The following GLT1D1 variants were observed in gnomAD, a reference collection of about 807,000 sequenced individuals.
GLT1D1 encodes glycosyltransferase 1 domain-containing protein 1.
Under a neutral mutation model 28.7 loss-of-function variants are expected in GLT1D1, and 21 were observed. The ratio of observed to expected loss-of-function variants is 0.73; its 90% confidence interval spans 0.52 to 1.05. The LOEUF (loss-of-function observed/expected upper bound fraction) is 1.05. Ranked by LOEUF, GLT1D1 falls within the 50% of genes least tolerant of loss-of-function variation. The pLI, the probability that GLT1D1 is intolerant of heterozygous loss-of-function variation, is 0.00. For synonymous variants in GLT1D1, 147 were observed against 124.8 expected (o/e 1.18, Z -1.19); for missense variants, 343 against 330.6 (o/e 1.04, Z -0.29).
chr12:128,908,698 C>T (rs1022723358), intron 4 of GLT1D1, among the ~76,000 whole-genome samples: 6 of 151,954 alleles, frequency 3.9e-5, no homozygotes, highest in African/African-American at 1.5e-4. Context: ...GCCTGTAATC[C>T]CAGCACTTTG....
rs1025833509 is a variant in GLT1D1, at chr12:128,947,397, A to G, written c.479A>G (p.Lys160Arg). ...CAAGAAGATCTGCACGCGGTGGTGAAGAATTGCTTCGCGGTGGTGAATAGC... is the reference window on the plus strand; with the variant it reads ...CAAGAAGATCTGCACGCGGTGGTGAGGAATTGCTTCGCGGTGGTGAATAGC... The change falls in exon 6 of 8, where the codon AAG becomes AGG. Residue 160 changes from lysine to arginine, a missense_variant. By Grantham distance (26) the Lys-to-Arg change is conservative. Transcript: ENST00000281703. The G allele has an allele frequency of 2.7e-5, 43 of 1,614,122 alleles. No homozygotes were observed. Among genetic ancestry groups the G allele is most frequent in the Non-Finnish European group, 3.3e-5 (39 of 1,180,006 alleles).
intron 4 of GLT1D1, among the ~76,000 whole-genome samples, chr12:128,911,308 T>A (rs1260309284): frequency 6.6e-6 from 1 of 152,236 alleles, no homozygotes; most frequent in African/African-American, 2.4e-5. Flanking sequence ...CTTCTTCCTG[T>A]TGATTGTCTC....
At chr12:128,875,378 G>T (rs1461029162) in intron 1 of GLT1D1, among the ~76,000 whole-genome samples, 1 of 152,190 alleles carries the variant, frequency 6.6e-6, no homozygotes, top group African/African-American at 2.4e-5. Flanking sequence ...CACAGTCCTG[G>T]GTATCTGAGA....
chr12:128,938,673 G>A lies in GLT1D1; in HGVS notation c.376-6653G>A, dbSNP rs76004761. 7.5e-3 allele frequency among the ~76,000 whole-genome samples: 1,148 copies of A among 152,278 alleles called. 9 individuals carry two copies. The highest frequency in any genetic ancestry group is 0.024 in the Middle Eastern group (7 of 294). On this transcript the variant is annotated intron_variant, in intron 4 of 7. Coordinates refer to ENST00000281703, the MANE Select transcript of GLT1D1 (RefSeq NM_144669.3). Reference sequence around the variant, plus strand: ...GGTTTGTAACTCATAATGCCTACTGGTAAAGTGTAAATGAGAATAGAAATT... The same window carrying A: ...GGTTTGTAACTCATAATGCCTACTGATAAAGTGTAAATGAGAATAGAAATT...
At chr12:128,956,951 G>A (rs1180271458) in intron 6 of GLT1D1, among the ~76,000 whole-genome samples, 2 of 152,228 alleles carry the variant, frequency 1.3e-5, no homozygotes, top group Non-Finnish European at 2.9e-5. Context: ...CCGGGCAGGC[G>A]AGGCCAGGGC....
At chr12:128,951,105 C>G (rs193196040) in intron 6 of GLT1D1, among the ~76,000 whole-genome samples, 1 of 152,214 alleles carries the variant, frequency 6.6e-6, no homozygotes, top group East Asian at 1.9e-4. Context: ...AGATGTGTAT[C>G]GAAACATCAT....
chr12:128,950,569 C>A (rs1485463896), intron 6 of GLT1D1, among the ~76,000 whole-genome samples: 1 of 152,166 alleles, frequency 6.6e-6, no homozygotes, highest in Non-Finnish European at 1.5e-5. Context: ...ACCAGAATGA[C>A]CTTGAAGCTT....
At position 128,900,208 on chromosome 12, in the gene GLT1D1, G is replaced by A. The variant is rs1039652989; in HGVS notation, c.375+921G>A. Among the ~76,000 whole-genome samples the A allele has an allele frequency of 2.0e-5, 3 of 152,186 alleles. No homozygotes were observed. The South Asian group carries it at 6.2e-4, about 32-fold the overall frequency. ...AGTGAGGCTGCTGTCTCTGGCGGTG[G>A]GAACTGCATTGAGCCTGCTCCACCA... On this transcript the variant is annotated intron_variant, in intron 4 of 7. Transcript: ENST00000281703.
chr12:128,970,584 C>T (rs1260616833), intron 7 of GLT1D1, among the ~76,000 whole-genome samples: 2 of 152,260 alleles, frequency 1.3e-5, no homozygotes, highest in African/African-American at 4.8e-5. Flanking sequence ...GCTGGCCTGG[C>T]TTCTGAGGCC....
chr12:128,892,709 A>C (rs983318690), intron 3 of GLT1D1, among the ~76,000 whole-genome samples: 2 of 152,128 alleles, frequency 1.3e-5, no homozygotes, highest in Non-Finnish European at 2.9e-5. Flanking sequence ...TTCATTTTTA[A>C]TCAAATGTTT....
At chr12:128,927,797 G>A (rs1320740538) in intron 4 of GLT1D1, among the ~76,000 whole-genome samples, 1 of 151,300 alleles carries the variant, frequency 6.6e-6, no homozygotes, top group Non-Finnish European at 1.5e-5. Context: ...GCAGGAGTCG[G>A]AGACCAGCCT....
intron 4 of GLT1D1, among the ~76,000 whole-genome samples, chr12:128,922,872 G>T (rs961982878): frequency 1.4e-5 from 2 of 138,454 alleles, no homozygotes; most frequent in Middle Eastern, 4.0e-3. Flanking sequence ...GCAGTGAGCC[G>T]AGAACGCACC....
chr12:128,892,413 G>A (rs545859206), intron 3 of GLT1D1, among the ~76,000 whole-genome samples: 3 of 152,256 alleles, frequency 2.0e-5, no homozygotes, highest in Admixed American at 1.3e-4. Flanking sequence ...CTTTCACTCT[G>A]CAAATTCATT....
chr12:128,955,816 T>A (rs1486394491), intron 6 of GLT1D1, among the ~76,000 whole-genome samples: 1 of 151,912 alleles, frequency 6.6e-6, no homozygotes, highest in Admixed American at 6.6e-5. Flanking sequence ...GATGGCTCCA[T>A]TGTGAGGGCT....
intron 1 of GLT1D1, among the ~76,000 whole-genome samples, chr12:128,856,217 C>T (rs1424372421): frequency 2.0e-5 from 3 of 152,132 alleles, no homozygotes; most frequent in East Asian, 1.9e-4. Flanking sequence ...AGCCAGAGGT[C>T]GCTCTCGTTG....
At chr12:128,956,288 G>T (rs905157210) in intron 6 of GLT1D1, among the ~76,000 whole-genome samples, 9 of 151,838 alleles carry the variant, frequency 5.9e-5, no homozygotes, top group African/African-American at 1.7e-4. Flanking sequence ...CAAAAGACTT[G>T]CATTTGCCTA....
chr12:128,941,190 G>C (rs1245383780), intron 4 of GLT1D1, among the ~76,000 whole-genome samples: 1 of 152,146 alleles, frequency 6.6e-6, no homozygotes, highest in African/African-American at 2.4e-5. Context: ...GCACTCCTTT[G>C]TATGGATTGG....
chr12:128,892,933 A>G (rs1313451708), intron 3 of GLT1D1, among the ~76,000 whole-genome samples: 1 of 152,166 alleles, frequency 6.6e-6, no homozygotes, highest in Admixed American at 6.6e-5. Flanking sequence ...GTGAAGGATC[A>G]TCCAGGTACA....
intron 6 of GLT1D1, among the ~76,000 whole-genome samples, chr12:128,953,168 A>G (rs1290292420): frequency 6.6e-6 from 1 of 151,796 alleles, no homozygotes; most frequent in Non-Finnish European, 1.5e-5. Flanking sequence ...CCACTTTTTC[A>G]CTGTGTTCTC....
Sources: gnomAD v4.1 joint callset for allele counts (sites outside exome capture counted in the v4.1 genomes callset) on GRCh38, gnomAD v4.1.1 for gene constraint, MANE v1.5 for transcripts, NCBI Gene and HGNC (gene_info 2026-07-23, HGNC 2026-07-21) for gene names.